The following HOMER1 variants were observed in gnomAD, a reference collection of about 807,000 sequenced individuals.
HOMER1 encodes the protein homer protein homolog 1.
HOMER1 carries 3 observed loss-of-function variants against 48.9 expected under a neutral mutation model. The ratio of observed to expected loss-of-function variants is 0.06; its 90% confidence interval spans 0.03 to 0.16. The LOEUF is 0.16. HOMER1 is among the 10% of genes least tolerant of loss of function. HOMER1 has a pLI of 1.00. For synonymous variants in HOMER1, 134 were observed against 146.4 expected (o/e 0.92, Z 0.61); for missense variants, 247 against 411.4 (o/e 0.60, Z 3.46).
In HOMER1 at chr5:79,512,819, C is replaced by T. The variant is rs368211006; in HGVS notation, c.-45G>A. On this transcript the variant is annotated 5_prime_UTR_variant, in exon 1 of 9. Transcript: ENST00000334082. The stretch of plus-strand genomic sequence containing the variant: ...CTCTGAAGTTTCAGCTCTTATGCTA[C>T]GGAATAACTTCCAAAGGAATTTCTC... 2.4e-5 allele frequency: 38 copies of T among 1,605,700 alleles called. No homozygotes were observed. The highest frequency in any genetic ancestry group is 3.2e-5 in the Non-Finnish European group (37 of 1,172,768).
At chr5:79,460,026 TTCTTTTC>T (rs1751274486) in intron 1 of HOMER1, among the ~76,000 whole-genome samples, 1 of 151,906 alleles carries the variant, frequency 6.6e-6, no homozygotes, top group African/African-American at 2.4e-5. Context: ...CTTTCTTTCT[TTCTTTTC>T]TTTAACAGAT....
At chr5:79,477,646 A>G (rs1751820986) in intron 1 of HOMER1, among the ~76,000 whole-genome samples, 1 of 152,240 alleles carries the variant, frequency 6.6e-6, no homozygotes, top group Non-Finnish European at 1.5e-5. Flanking sequence ...AAAAATGTTC[A>G]TGTTTGGACA....
At chr5:79,417,149 T>A (rs1749964821) in intron 5 of HOMER1, among the ~76,000 whole-genome samples, 1 of 151,780 alleles carries the variant, frequency 6.6e-6, no homozygotes, top group South Asian at 2.1e-4. Flanking sequence ...CCCCTACTTT[T>A]TTTTTTTTTT....
chr5:79,379,245 TATATATCTATTATATATATTATATATTA>T (rs1278994058), intron 8 of HOMER1, among the ~76,000 whole-genome samples: 2 of 70,512 alleles, frequency 2.8e-5, no homozygotes, highest in African/African-American at 1.2e-4. Context: ...TTATATATTA[TATATATCTATTATATATATTATATATTA>T]TATATATCTA....
chr5:79,420,480 C>A (rs1257267774), intron 5 of HOMER1, among the ~76,000 whole-genome samples: 1 of 152,222 alleles, frequency 6.6e-6, no homozygotes, highest in Middle Eastern at 3.2e-3. Flanking sequence ...TCCAGCCATA[C>A]CACCGCCTGC....
intron 3 of HOMER1, among the ~76,000 whole-genome samples, 184 bp downstream of exon 3, chr5:79,450,806 G>GTTTT (rs1238460406): frequency 2.0e-5 from 3 of 152,156 alleles, no homozygotes; most frequent in Non-Finnish European, 4.4e-5. Flanking sequence ...TTTTTAATGT[G>GTTTT]TACATTTTCC....
intron 1 of HOMER1, among the ~76,000 whole-genome samples, chr5:79,502,122 C>T (rs1018938175): frequency 6.7e-6 from 1 of 148,736 alleles, no homozygotes; most frequent in Non-Finnish European, 1.5e-5. Flanking sequence ...TGGGTTCAAG[C>T]AATTCTCCTG....
At chr5:79,487,203 C>T (rs1580020961) in intron 1 of HOMER1, among the ~76,000 whole-genome samples, 1 of 152,092 alleles carries the variant, frequency 6.6e-6, no homozygotes, top group East Asian at 1.9e-4. Context: ...CGCTTGAACC[C>T]GGGAGGCAGA....
Position 79,397,560 on chromosome 5 carries a change from T to G in HOMER1, c.762A>C (p.Gln254His), listed in dbSNP as rs1052499524. The G allele has an allele frequency of 1.2e-6, 2 of 1,608,392 alleles. No homozygotes were observed. Among genetic ancestry groups the G allele is most frequent in the African/African-American group, 2.7e-5 (2 of 74,708 alleles). Residue 254 changes from glutamine to histidine, a missense_variant, in exon 7 of 9, where the codon CAA becomes CAC. Physicochemically the swap from Gln to His is conservative, Grantham distance 24 (BLOSUM62 0). Coordinates refer to ENST00000334082, the MANE Select transcript of HOMER1 (RefSeq NM_004272.5). The part of the protein sequence containing the change: ...THKTELNQTI[Q>H]ELEETLKLKE... ...TCAGTTTCAGTGTCTCTTCCAGTTC[T>G]TGTATTGTCTGATTTAATTCTGTCT...
In HOMER1 at chr5:79,375,931, C is replaced by G; in HGVS notation, c.*78G>C. On this transcript the variant is annotated 3_prime_UTR_variant, in exon 9 of 9. Transcript: ENST00000334082. ...TTTTTTTTTTTTTTTTTTGTGCAAT[C>G]TTGATGCAGAGCCTAAACAGTCCTA... 1.4e-5 allele frequency: 6 copies of G among 430,930 alleles called. No individual in the cohort carries two copies. Among genetic ancestry groups the G allele is most frequent in the Non-Finnish European group, 1.5e-5 (4 of 275,644 alleles). The allele number at this position is 430,930 out of a possible 1,614,324, so 26.7% of individuals were successfully genotyped here.
In HOMER1 at chr5:79,401,924, T is replaced by C; in HGVS notation, c.659A>G (p.Glu220Gly). The change falls in exon 6 of 9, where the codon GAG becomes GGG. Residue 220 changes from glutamate to glycine, a missense_variant. Glu to Gly is a moderately conservative substitution (Grantham distance 98). Transcript: ENST00000334082. Reference sequence around the variant, plus strand: ...CCGCTTGTGCAGACGTTCTGCTTCCTCTTGATAGGCAGCAAGTTGCTGTTT... The same window carrying C: ...CCGCTTGTGCAGACGTTCTGCTTCCCCTTGATAGGCAGCAAGTTGCTGTTT... ...QWKQQLAAYQEEAERLHKRVT... is the reference protein window; with the variant it reads ...QWKQQLAAYQGEAERLHKRVT... The C allele has an allele frequency of 9.9e-6, 16 of 1,613,910 alleles. No homozygotes were observed. Among genetic ancestry groups the C allele is most frequent in the Non-Finnish European group, 1.3e-5 (15 of 1,179,854 alleles).
chr5:79,442,584 C>A (rs956109749), intron 4 of HOMER1, among the ~76,000 whole-genome samples: 6 of 152,166 alleles, frequency 3.9e-5, no homozygotes, highest in Non-Finnish European at 8.8e-5. Flanking sequence ...CCATTTCATG[C>A]CAATAAAACC....
intron 5 of HOMER1, among the ~76,000 whole-genome samples, chr5:79,425,621 T>C (rs7705514): frequency 0.53 from 80,868 of 151,840 alleles, 22,455 homozygotes; most frequent in East Asian, 0.87. Context: ...TTTCTGACTA[T>C]ACGTAATAAT....
intron 5 of HOMER1, among the ~76,000 whole-genome samples, chr5:79,417,448 C>T (rs1291927422): frequency 1.3e-5 from 2 of 152,122 alleles, no homozygotes; most frequent in Non-Finnish European, 2.9e-5. Context: ...GGCCGATTTC[C>T]CTTCTTAAAA....
chr5:79,434,793 C>G (rs1209636528), intron 5 of HOMER1, among the ~76,000 whole-genome samples: 1 of 152,028 alleles, frequency 6.6e-6, no homozygotes, highest in Non-Finnish European at 1.5e-5. Context: ...TATTGAGCAG[C>G]TCATACATTT....
At chr5:79,486,265 C>T (rs1323153158) in intron 1 of HOMER1, among the ~76,000 whole-genome samples, 1 of 152,194 alleles carries the variant, frequency 6.6e-6, no homozygotes, top group African/African-American at 2.4e-5. Flanking sequence ...CAAAATTGCA[C>T]ATTTGTAAGC....
chr5:79,482,979 G>T (rs955194469), intron 1 of HOMER1, among the ~76,000 whole-genome samples: 1 of 151,948 alleles, frequency 6.6e-6, no homozygotes, highest in East Asian at 1.9e-4. Context: ...CTCCAGCCTC[G>T]ACAACAGGTC....
intron 1 of HOMER1, among the ~76,000 whole-genome samples, chr5:79,511,403 G>C (rs1351584247): frequency 6.6e-6 from 1 of 152,232 alleles, no homozygotes; most frequent in Non-Finnish European, 1.5e-5. Flanking sequence ...TCATTAAAAT[G>C]AGGAGGAGAA....
At chr5:79,491,064 T>A (rs912203510) in intron 1 of HOMER1, among the ~76,000 whole-genome samples, 1 of 93,070 alleles carries the variant, frequency 1.1e-5, no homozygotes, top group African/African-American at 4.0e-5. Context: ...TGGCCTTCAG[T>A]AGTACCAAAG....
Sources: gnomAD v4.1 joint callset for allele counts (sites outside exome capture counted in the v4.1 genomes callset) on GRCh38, gnomAD v4.1.1 for gene constraint, MANE v1.5 for transcripts, NCBI Gene and HGNC (gene_info 2026-07-23, HGNC 2026-07-21) for gene names.